The following CDKL5 variants were observed in gnomAD, a reference collection of about 807,000 sequenced individuals.
The protein encoded by CDKL5 is cyclin dependent kinase like 5.
A neutral mutation model predicts 61.7 loss-of-function variants in CDKL5; 8 were observed. The ratio of observed to expected loss-of-function variants is 0.13; its 90% CI spans 0.08 to 0.23. The LOEUF is 0.23. CDKL5 is among the 10% of genes least tolerant of loss of function. CDKL5 has a pLI of 1.00. For missense variants in CDKL5, 440 were observed against 734.5 expected (o/e 0.60, Z 4.63); for synonymous variants, 275 against 272.3 (o/e 1.01, Z -0.10).
chrX:18,552,237 CAAAA>C (rs777290725), intron 3 of CDKL5, among the ~76,000 whole-genome samples: 1 of 38,767 alleles, frequency 2.6e-5, no homozygotes, highest in Non-Finnish European at 4.9e-5. Context: ...GACTCCGTCT[CAAAA>C]AAAAAAAAAA....
intron 1 of CDKL5, among the ~76,000 whole-genome samples, chrX:18,460,630 G>A (rs1408222131): frequency 9.0e-6 from 1 of 111,204 alleles, no homozygotes; most frequent in East Asian, 2.8e-4. Context: ...CTCCAGAGTA[G>A]CTGGGACCAC....
In CDKL5 at chrX:18,466,111, G is replaced by A. The variant is rs749460716; in HGVS notation, c.-163+40416G>A. On this transcript the variant is annotated intron_variant, in intron 1 of 17. Coordinates refer to ENST00000623535, the MANE Select transcript of CDKL5 (RefSeq NM_001323289.2). ...ATCTGTGGAAAATGATAGGTTTTTTGGTCATTCCTAGCACTCATTTTTGTC... is the reference window on the plus strand; with the variant it reads ...ATCTGTGGAAAATGATAGGTTTTTTAGTCATTCCTAGCACTCATTTTTGTC... Among the ~76,000 whole-genome samples, 3 of 111,054 alleles carry A rather than the reference G, an allele frequency of 2.7e-5. No individual in the cohort carries two copies. In the South Asian group the frequency reaches 1.1e-3, roughly 42 times the overall value.
At position 18,630,523 on chromosome X, in the gene CDKL5, C is replaced by T. The variant is rs905705261; in HGVS notation, c.*1766C>T. On this transcript the variant is annotated 3_prime_UTR_variant, in exon 18 of 18. Transcript: ENST00000623535. ...AATGTGCTGTTACTGTTAACCCTCC[C>T]CCGAGATTTTGAGAATCATAGCTCT... 28 of 749,045 alleles carry T rather than the reference C, an allele frequency of 3.7e-5. No homozygotes were observed. The East Asian group carries it at 3.8e-3, about 102-fold the overall frequency. The allele number at this position is 749,045 out of a possible 1,213,427, so 61.7% of individuals were successfully genotyped here. A position where few individuals can be genotyped will look rare whatever the true frequency, so the allele number is the denominator to read the frequency against.
intron 14 of CDKL5, among the ~76,000 whole-genome samples, chrX:18,612,129 A>G (rs1275439066): frequency 8.9e-6 from 1 of 112,013 alleles, no homozygotes. Flanking sequence ...TTTCATTTAG[A>G]ATTTAGAGAA....
In CDKL5 at chrX:18,636,039, G is replaced by A. The variant is rs975756815; in HGVS notation, c.*7282G>A. The stretch of plus-strand genomic sequence containing the variant: ...TTCATCATTTAGGGTAACACCAACC[G>A]AGTACATGTTCAATCAGGAGGGAAA... On this transcript the variant is annotated 3_prime_UTR_variant, in exon 18 of 18. Coordinates refer to ENST00000623535, the MANE Select transcript of CDKL5 (RefSeq NM_001323289.2). 1.8e-5 allele frequency: 2 copies of A among 111,835 alleles called. No individual in the cohort carries two copies. Among genetic ancestry groups the A allele is most frequent in the Admixed American group, 9.5e-5 (1 of 10,494 alleles). The allele number at this position is 111,835 out of a possible 1,213,427, so 9.2% of individuals were successfully genotyped here. A position where few individuals can be genotyped will look rare whatever the true frequency, so the allele number is the denominator to read the frequency against.
chrX:18,579,714 G>C, intron 5 of CDKL5, 134 bp from the exon 6 acceptor site: 1 of 594,629 alleles, frequency 1.7e-6, no homozygotes, highest in Non-Finnish European at 2.7e-6. Context: ...TGAGAAAGTT[G>C]TAGATAGAAA....
chrX:18,450,204 G>A lies in CDKL5; in HGVS notation c.-163+24509G>A, dbSNP rs147891414. 4.5e-3 allele frequency among the ~76,000 whole-genome samples: 505 copies of A among 112,115 alleles called. 4 individuals are homozygous for A. The highest frequency in any genetic ancestry group is 0.015 in the African/African-American group (458 of 30,906). On this transcript the variant is annotated intron_variant, in intron 1 of 17. Transcript: ENST00000623535. Reference sequence around the variant, plus strand: ...GCAGATGCTGCCAAATGTAAGATATGTTGCTCAGTTTTTAGTGTAGATTTA... The same window carrying A: ...GCAGATGCTGCCAAATGTAAGATATATTGCTCAGTTTTTAGTGTAGATTTA...
chrX:18,493,647 T>C (rs911422474), intron 1 of CDKL5, among the ~76,000 whole-genome samples: 5 of 111,951 alleles, frequency 4.5e-5, no homozygotes, highest in African/African-American at 1.6e-4. Flanking sequence ...CTTCCATTCC[T>C]TTTTCATGTG....
At chrX:18,562,473 T>TA (rs1924836272) in intron 3 of CDKL5, among the ~76,000 whole-genome samples, 2 of 112,204 alleles carry the variant, frequency 1.8e-5, no homozygotes, top group Non-Finnish European at 3.8e-5. Flanking sequence ...TGTCCAATAT[T>TA]ACTACTACCA....
At chrX:18,468,758 T>A (rs997789561) in intron 1 of CDKL5, among the ~76,000 whole-genome samples, 3 of 111,476 alleles carry the variant, frequency 2.7e-5, no homozygotes, top group Admixed American at 9.6e-5. Context: ...TAGGGTTGGG[T>A]TTTCAGATAC....
chrX:18,451,873 T>C (rs1932026786), intron 1 of CDKL5, among the ~76,000 whole-genome samples: 1 of 112,222 alleles, frequency 8.9e-6, no homozygotes, highest in South Asian at 3.7e-4. Context: ...AAATAAGCAT[T>C]AATGTTTAGT....
chrX:18,595,941 C>A (rs780841603), intron 10 of CDKL5, among the ~76,000 whole-genome samples: 3 of 111,760 alleles, frequency 2.7e-5, no homozygotes, highest in Admixed American at 1.9e-4. Flanking sequence ...ATGCTACCCT[C>A]CCTGTCCAGA....
chrX:18,481,210 T>C (rs754644051), intron 1 of CDKL5, among the ~76,000 whole-genome samples: 83 of 109,083 alleles, frequency 7.6e-4, no homozygotes, highest in East Asian at 2.3e-3. Context: ...CTCTCTCTCT[T>C]TTTTTTTAAA....
intron 1 of CDKL5, among the ~76,000 whole-genome samples, chrX:18,452,951 C>G (rs899608189): frequency 9.4e-6 from 1 of 106,532 alleles, no homozygotes; most frequent in Non-Finnish European, 1.9e-5. Flanking sequence ...GTGCTTCAAC[C>G]TCCCTAGTAG....
chrX:18,473,773 G>C (rs193070839), intron 1 of CDKL5, among the ~76,000 whole-genome samples: 1 of 105,818 alleles, frequency 9.5e-6, no homozygotes, highest in African/African-American at 3.5e-5. Flanking sequence ...GTGCAGTGGC[G>C]CCGATTTCGG....
At chrX:18,428,554 A>G (rs1279235263) in intron 1 of CDKL5, among the ~76,000 whole-genome samples, 2 of 111,668 alleles carry the variant, frequency 1.8e-5, no homozygotes, top group Non-Finnish European at 3.8e-5. Context: ...TCAAATAATA[A>G]TATGAGGCTT....
chrX:18,435,137 G>C (rs17274190), intron 1 of CDKL5, among the ~76,000 whole-genome samples: 2,515 of 111,280 alleles, frequency 0.023, 70 homozygotes, highest in East Asian at 0.18. Context: ...CTAATTTCCT[G>C]ATGAGTAGAA....
chrX:18,621,541 GT>G (rs1306001703), intron 16 of CDKL5, among the ~76,000 whole-genome samples: 2 of 109,937 alleles, frequency 1.8e-5, no homozygotes, highest in African/African-American at 3.3e-5. Context: ...AGAAGGTGGG[GT>G]TTTTTTTTGT....
chrX:18,430,456 T>G (rs1312353597), intron 1 of CDKL5, among the ~76,000 whole-genome samples: 1 of 111,687 alleles, frequency 9.0e-6, no homozygotes, highest in Admixed American at 9.6e-5. Context: ...GTGTGCGTGT[T>G]TTTTTGAGAT....
Sources: allele counts gnomAD v4.1 joint callset (sites outside exome capture counted in the v4.1 genomes callset), GRCh38; gene constraint gnomAD v4.1.1; transcripts MANE v1.5; gene names NCBI Gene and HGNC (gene_info 2026-07-23, HGNC 2026-07-21).